OR7E24: variants seen among roughly 807,000 people sequenced by gnomAD.
OR7E24 encodes the protein olfactory receptor 7E24.
For synonymous variants in OR7E24, 130 were observed against 157.5 expected (o/e 0.83, Z 1.31); for missense variants, 385 against 410.3 (o/e 0.94, Z 0.53).
chr19:9,229,878 C>G, the OR7E24 span, among the ~76,000 whole-genome samples: 2 of 152,232 alleles, frequency 1.3e-5, 1 homozygote, highest in South Asian at 4.1e-4. Context: ...TTGGGTTTAA[C>G]AGGGACACAC....
the OR7E24 span, chr19:9,208,125 C>G: frequency 1.9e-4 from 29 of 152,036 alleles, no homozygotes; most frequent in African/African-American, 7.0e-4. Flanking sequence ...CAACCTCCAC[C>G]TCCCAGGTTC....
the OR7E24 span, among the ~76,000 whole-genome samples, chr19:9,221,992 G>A: frequency 0.021 from 3,196 of 152,022 alleles, 108 homozygotes; most frequent in African/African-American, 0.073. Context: ...ATGGATTTTC[G>A]TATATAGTGT....
Position 9,252,023 on chromosome 19 carries a change from T to C in OR7E24, c.980T>C (p.Ile327Thr). The change falls in exon 1 of 1, where the codon ATC (isoleucine) becomes ACC (threonine). Residue 327 changes from isoleucine to threonine, a missense_variant. Physicochemically the swap from Ile to Thr is moderately conservative, Grantham distance 89. Coordinates refer to ENST00000456448, the MANE Select transcript of OR7E24 (RefSeq NM_001079935.2). ...SALCRLHGRIIKSHHLHPFCY... is the reference protein window; with the variant it reads ...SALCRLHGRITKSHHLHPFCY... The stretch of plus-strand genomic sequence containing the variant: ...CTGTGCAGGCTGCATGGCAGAATCA[T>C]CAAATCTCATCATCTCCATCCTTTT... 6.2e-7 allele frequency: 1 copy of C among 1,614,106 alleles called. No homozygotes were observed. Among genetic ancestry groups the C allele is most frequent in the Non-Finnish European group, 8.5e-7 (1 of 1,180,012 alleles).
At chr19:9,214,820 A>G in the OR7E24 span, 3 of 1,604,458 alleles carry the variant, frequency 1.9e-6, no homozygotes, top group South Asian at 3.3e-5. Flanking sequence ...ATAATTCTGT[A>G]AGGTTTTCTG....
the OR7E24 span, among the ~76,000 whole-genome samples, chr19:9,228,438 C>T: frequency 6.6e-6 from 1 of 151,982 alleles, no homozygotes; most frequent in Non-Finnish European, 1.5e-5. Flanking sequence ...ATACTCCATG[C>T]CCCCGTTAGG....
At chr19:9,207,853 C>G in the OR7E24 span, 1 of 152,030 alleles carries the variant, frequency 6.6e-6, no homozygotes, top group Non-Finnish European at 1.5e-5. Context: ...GTATACTTTG[C>G]GACCACCTTC....
At chr19:9,246,509 TGTGTG>T (rs1252719667), upstream of OR7E24, among the ~76,000 whole-genome samples, 5 of 151,710 alleles carry the variant, frequency 3.3e-5, no homozygotes, top group African/African-American at 1.2e-4. Context: ...TGTGTGTGTG[TGTGTG>T]TTTTCTTCTC....
At chr19:9,230,471 A>G in the OR7E24 span, among the ~76,000 whole-genome samples, 2 of 152,242 alleles carry the variant, frequency 1.3e-5, no homozygotes, top group Admixed American at 6.5e-5. Context: ...AGGAATGTCC[A>G]TACTTGAATG....
the OR7E24 span, among the ~76,000 whole-genome samples, chr19:9,238,001 G>A: frequency 7.2e-4 from 109 of 152,300 alleles, no homozygotes; most frequent in African/African-American, 2.6e-3. Flanking sequence ...AGCCAGCCAG[G>A]TGTGGTGGTT....
the OR7E24 span, chr19:9,210,106 G>C: frequency 6.6e-6 from 1 of 152,110 alleles, no homozygotes; most frequent in Non-Finnish European, 1.5e-5. Context: ...AGCATCTTCC[G>C]ATCCAATCTA....
the OR7E24 span, chr19:9,214,096 C>A: frequency 6.2e-7 from 1 of 1,614,142 alleles, no homozygotes; most frequent in Non-Finnish European, 8.5e-7. Flanking sequence ...AACAAGGAGA[C>A]CACACAGAGG....
upstream of OR7E24, among the ~76,000 whole-genome samples, chr19:9,249,085 T>C (rs1300097026): frequency 2.0e-5 from 3 of 152,218 alleles, no homozygotes; most frequent in African/African-American, 7.2e-5. Flanking sequence ...TGAAGTGTAT[T>C]CTACATGTTT....
upstream of OR7E24, among the ~76,000 whole-genome samples, chr19:9,242,736 T>G (rs900113786): frequency 2.0e-5 from 3 of 152,200 alleles, no homozygotes; most frequent in Non-Finnish European, 4.4e-5. Flanking sequence ...TGTAAGCTTG[T>G]TTGTTCTGAT....
upstream of OR7E24, among the ~76,000 whole-genome samples, chr19:9,249,014 A>G (rs74726110): frequency 0.043 from 6,555 of 152,284 alleles, 207 homozygotes; most frequent in East Asian, 0.12. Flanking sequence ...CACTGCAGTG[A>G]GCAATGATTA....
At chr19:9,218,750 T>C in the OR7E24 span, among the ~76,000 whole-genome samples, 19 of 152,110 alleles carry the variant, frequency 1.2e-4, no homozygotes, top group African/African-American at 4.3e-4. Context: ...CATCTCAGTC[T>C]CCCGAGTAAC....
chr19:9,218,856 G>A, the OR7E24 span, among the ~76,000 whole-genome samples: 30,725 of 151,734 alleles, frequency 0.2, 4,175 homozygotes, highest in African/African-American at 0.38. Flanking sequence ...CTGGTCTCAG[G>A]GTCCTGGCCT....
At chr19:9,209,187 G>A in the OR7E24 span, 2 of 152,180 alleles carry the variant, frequency 1.3e-5, no homozygotes, top group African/African-American at 4.8e-5. Flanking sequence ...AGAATATACA[G>A]ATGGTAGAAA....
chr19:9,237,987 C>G, the OR7E24 span, among the ~76,000 whole-genome samples: 1 of 152,090 alleles, frequency 6.6e-6, no homozygotes, highest in African/African-American at 2.4e-5. Flanking sequence ...AAAAAAACAA[C>G]TGTAGCCAGC....
Position 9,251,161 on chromosome 19 carries a change from G to C in OR7E24, c.118G>C (p.Glu40Gln). The C allele has an allele frequency of 6.2e-7, 1 of 1,613,826 alleles. No homozygotes were observed. The highest frequency in any genetic ancestry group is 8.5e-7 in the Non-Finnish European group (1 of 1,179,922). ...FLLLGLSEDP[E>Q]LQPVLAGLFL... ...CCTCCTGGGACTCTCAGAGGATCCA[G>C]AACTGCAGCCGGTCCTCGCTGGGCT... is the stretch of plus-strand genomic sequence containing the variant. The change falls in exon 1 of 1, where the codon GAA becomes CAA. Residue 40 changes from glutamate (E) to glutamine (Q), a missense_variant. Physicochemically the swap from Glu to Gln is conservative, Grantham distance 29. Coordinates refer to ENST00000456448, the MANE Select transcript of OR7E24 (RefSeq NM_001079935.2).
Sources: allele counts gnomAD v4.1 joint callset (sites outside exome capture counted in the v4.1 genomes callset), GRCh38; gene constraint gnomAD v4.1.1; transcripts MANE v1.5; gene names NCBI Gene and HGNC (gene_info 2026-07-23, HGNC 2026-07-21).